GLIS3: variants seen among roughly 807,000 people sequenced by gnomAD.
GLIS3 encodes the protein GLIS family zinc finger 3.
A neutral mutation model predicts 78.6 loss-of-function variants in GLIS3; 53 were observed. The ratio of observed to expected loss-of-function variants is 0.67; its 90% CI spans 0.54 to 0.85. The LOEUF is 0.85. GLIS3 is among the 40% of genes least tolerant of loss of function. GLIS3 has a pLI of 0.00. For missense variants in GLIS3, 1,703 were observed against 1,231.1 expected (o/e 1.38, Z -5.74); for synonymous variants, 684 against 509.9 (o/e 1.34, Z -4.60).
chr9:4,321,917 C>A (rs548504864), intron 2 of GLIS3, among the ~76,000 whole-genome samples: 2 of 152,174 alleles, frequency 1.3e-5, no homozygotes, highest in South Asian at 2.1e-4. Context: ...CTGGGGTACA[C>A]GTGCATAACC....
At chr9:3,870,217 C>T (rs1820882041) in intron 8 of GLIS3, among the ~76,000 whole-genome samples, 1 of 151,998 alleles carries the variant, frequency 6.6e-6, no homozygotes, top group South Asian at 2.1e-4. Flanking sequence ...AAATTAGTCT[C>T]AACAAATTTT....
At chr9:4,167,328 G>C (rs981456696) in intron 2 of GLIS3, among the ~76,000 whole-genome samples, 1 of 152,248 alleles carries the variant, frequency 6.6e-6, no homozygotes, top group East Asian at 1.9e-4. Context: ...CTAAATTCTT[G>C]GGAATTTTTT....
intron 1 of GLIS3, among the ~76,000 whole-genome samples, chr9:4,294,607 T>C (rs1444353276): frequency 1.2e-4 from 18 of 152,314 alleles, no homozygotes; most frequent in Admixed American, 1.0e-3. Context: ...GTTATTTTAC[T>C]CTACACACCT....
At chr9:4,433,237 G>T in the GLIS3 span, among the ~76,000 whole-genome samples, 2 of 152,154 alleles carry the variant, frequency 1.3e-5, no homozygotes, top group East Asian at 3.9e-4. Context: ...TTTGAGACCA[G>T]CCTGGCCAAT....
At chr9:4,202,736 T>A (rs538441356) in intron 2 of GLIS3, among the ~76,000 whole-genome samples, 2 of 152,160 alleles carry the variant, frequency 1.3e-5, no homozygotes, top group African/African-American at 4.8e-5. Context: ...CCCTATTAAA[T>A]AAATGATACT....
At chr9:4,285,865 C>G in intron 2 of GLIS3, 173 bp downstream of exon 2, 2 of 755,004 alleles carry the variant, frequency 2.6e-6, no homozygotes, top group South Asian at 1.6e-5. Context: ...TGGTCCCCTC[C>G]AACACATACA....
the GLIS3 span, among the ~76,000 whole-genome samples, chr9:4,357,591 A>ATGTG: frequency 7.8e-6 from 1 of 127,808 alleles, no homozygotes; most frequent in Non-Finnish European, 1.7e-5. Context: ...GTGTGTGTGC[A>ATGTG]TGTGTATGTG....
At chr9:4,265,611 GC>G (rs1171631325) in intron 2 of GLIS3, among the ~76,000 whole-genome samples, 1 of 152,092 alleles carries the variant, frequency 6.6e-6, no homozygotes, top group East Asian at 1.9e-4. Context: ...CACCTGTGTT[GC>G]CTGAAATTTA....
the GLIS3 span, among the ~76,000 whole-genome samples, chr9:4,360,724 T>C: frequency 6.6e-6 from 1 of 152,212 alleles, no homozygotes; most frequent in Non-Finnish European, 1.5e-5. Flanking sequence ...TTCTTAAAAT[T>C]GTGTTAGGCT....
At chr9:4,040,739 A>C (rs921967773) in intron 4 of GLIS3, among the ~76,000 whole-genome samples, 1 of 152,196 alleles carries the variant, frequency 6.6e-6, no homozygotes, top group African/African-American at 2.4e-5. Flanking sequence ...AAAAAGATGA[A>C]AAGAGGTGAT....
chr9:3,993,827 C>T (rs1588413561), intron 4 of GLIS3, among the ~76,000 whole-genome samples: 1 of 152,182 alleles, frequency 6.6e-6, no homozygotes, highest in African/African-American at 2.4e-5. Flanking sequence ...GCTGGTGTCA[C>T]AAAAATTGTC....
intron 2 of GLIS3, among the ~76,000 whole-genome samples, chr9:4,154,136 G>A (rs1427484972): frequency 6.6e-6 from 1 of 152,192 alleles, no homozygotes; most frequent in Non-Finnish European, 1.5e-5. Flanking sequence ...AGAAAGAGGG[G>A]GCTTTCAGGC....
intron 4 of GLIS3, among the ~76,000 whole-genome samples, chr9:3,983,159 CTT>C (rs1455268330): frequency 2.0e-5 from 3 of 152,134 alleles, no homozygotes; most frequent in African/African-American, 7.2e-5. Context: ...GTGCTGTTCT[CTT>C]GATAGTGAAT....
chr9:4,312,316 A>T (rs1817375630), intron 2 of GLIS3, among the ~76,000 whole-genome samples: 1 of 152,144 alleles, frequency 6.6e-6, no homozygotes, highest in Admixed American at 6.5e-5. Flanking sequence ...AAAAATACAA[A>T]GAAGAGCCAG....
intron 6 of GLIS3, chr9:3,899,107 T>C: frequency 1.9e-6 from 1 of 514,056 alleles, no homozygotes; most frequent in Non-Finnish European, 3.5e-6. Context: ...CAACTTCCTA[T>C]TATACTTCCT....
chr9:3,854,881 C>G (rs1243925358), intron 9 of GLIS3, among the ~76,000 whole-genome samples: 1 of 152,258 alleles, frequency 6.6e-6, no homozygotes, highest in South Asian at 2.1e-4. Context: ...CTCCATAGTA[C>G]TAGTTGATTC....
Position 4,197,335 on chromosome 9 carries a change from A to C in GLIS3, c.389-71394T>G, listed in dbSNP as rs78299901. Reference sequence around the variant, plus strand: ...ACCCACTTGCCTGGATCAGTAGCCTAAACTGCCCTACCCTCCTTGTGTAGA... The same window carrying C: ...ACCCACTTGCCTGGATCAGTAGCCTCAACTGCCCTACCCTCCTTGTGTAGA... On this transcript the variant is annotated intron_variant, in intron 2 of 10. Transcript: ENST00000381971. 8.3e-3 allele frequency among the ~76,000 whole-genome samples: 1,264 copies of C among 152,206 alleles called. 19 individuals carry two copies. Among genetic ancestry groups the C allele is most frequent in the African/African-American group, 0.029 (1,192 of 41,524 alleles).
chr9:4,186,205 G>A (rs903657871), intron 2 of GLIS3, among the ~76,000 whole-genome samples: 1 of 137,974 alleles, frequency 7.2e-6, no homozygotes. Flanking sequence ...GTGTCCACGT[G>A]TTCTCATTGT....
chr9:4,293,216 T>TC (rs1427378963), intron 1 of GLIS3, among the ~76,000 whole-genome samples: 1 of 152,106 alleles, frequency 6.6e-6, no homozygotes, highest in African/African-American at 2.4e-5. Flanking sequence ...TCACAATCCT[T>TC]CAAAAAGGGT....
Sources: allele counts gnomAD v4.1 joint callset (sites outside exome capture counted in the v4.1 genomes callset), GRCh38; gene constraint gnomAD v4.1.1; transcripts MANE v1.5; gene names NCBI Gene and HGNC (gene_info 2026-07-23, HGNC 2026-07-21).